CRTAC1: variants seen among roughly 807,000 people sequenced by gnomAD.
CRTAC1 encodes the protein cartilage acidic protein 1.
Under a neutral mutation model 67.8 loss-of-function variants are expected in CRTAC1, and 37 were observed. That is an observed-to-expected ratio of 0.55 (90% confidence interval 0.42 to 0.72). The LOEUF (loss-of-function observed/expected upper bound fraction) is 0.72, where lower values mean the gene tolerates loss of function less well. CRTAC1 is among the 30% of genes least tolerant of loss of function. The pLI is 0.00. For missense variants in CRTAC1, 780 were observed against 931.6 expected, an observed-to-expected ratio of 0.84 and a Z score of 2.12; for synonymous variants, 348 against 371.0, an observed-to-expected ratio of 0.94 and a Z score of 0.71.
chr10:97,895,107 G>T lies in CRTAC1; in HGVS notation c.1486+138C>A, dbSNP rs951880856. The T allele has an allele frequency of 7.3e-6, 6 of 817,962 alleles. No individual in the cohort carries two copies. The highest frequency in any genetic ancestry group is 9.4e-6 in the Non-Finnish European group (5 of 532,706). 50.7% of individuals were successfully genotyped at this position (817,962 alleles called of 1,614,324 possible). ...GAGCTCAGGCTCATCTCAGAGTAGG[G>T]TTTGTCCCCAGTAGCTGGTGTCCAC... is the stretch of plus-strand genomic sequence containing the variant. On this transcript the variant is annotated intron_variant, in intron 11 of 14. Coordinates refer to ENST00000370597, the MANE Select transcript of CRTAC1 (RefSeq NM_018058.7). This position sits in a 1 kb window ranked among gnomAD's most constrained non-coding sequence, Gnocchi z 4.2.
At chr10:97,948,287 C>T (rs1228631926) in intron 2 of CRTAC1, among the ~76,000 whole-genome samples, 3 of 152,144 alleles carry the variant, frequency 2.0e-5, no homozygotes, top group Non-Finnish European at 4.4e-5. Context: ...AGGCCAAGGA[C>T]TGGAAAAAGC....
intron 2 of CRTAC1, among the ~76,000 whole-genome samples, chr10:97,999,209 T>C (rs1448757380): frequency 6.6e-6 from 1 of 152,076 alleles, no homozygotes; most frequent in African/African-American, 2.4e-5. Context: ...GGAGAAGGCA[T>C]GAGCCCCACC....
At chr10:98,005,259 C>G (rs1374631499) in intron 2 of CRTAC1, among the ~76,000 whole-genome samples, 1 of 150,622 alleles carries the variant, frequency 6.6e-6, no homozygotes, top group Non-Finnish European at 1.5e-5. Flanking sequence ...CACGTGCCAC[C>G]ACGCCTGGCT....
At chr10:97,907,907 C>A in intron 6 of CRTAC1, 106 bp downstream of exon 6, 1 of 1,265,642 alleles carries the variant, frequency 7.9e-7, no homozygotes, top group Non-Finnish European at 1.1e-6. Flanking sequence ...GCCCTGCTCT[C>A]CCTCAGCCAG....
In CRTAC1 at chr10:97,956,116, TTC is replaced by T. The variant is rs1305832421; in HGVS notation, c.225-19752_225-19751del. ...TTCCAGATTGGATGAAACATGTGAC[TTC>T]CAGGAGGCAAGTTGACTGACACCAA... On this transcript the variant is annotated intron_variant, in intron 2 of 14. Transcript: ENST00000370597. 2.6e-5 allele frequency among the ~76,000 whole-genome samples: 4 copies of T among 152,324 alleles called. No individual in the cohort carries two copies. The East Asian group carries it at 7.7e-4, about 29-fold the overall frequency.
At chr10:97,891,501 T>C (rs1341722352) in intron 11 of CRTAC1, among the ~76,000 whole-genome samples, 1 of 152,266 alleles carries the variant, frequency 6.6e-6, no homozygotes, top group Admixed American at 6.5e-5. Context: ...CTGAGTCCTC[T>C]CATGGCCACG....
intron 2 of CRTAC1, among the ~76,000 whole-genome samples, chr10:97,947,889 A>G (rs2051289937): frequency 6.6e-6 from 1 of 152,152 alleles, no homozygotes; most frequent in East Asian, 1.9e-4. Context: ...CTCATCTCTA[A>G]AAATAAATAA....
At chr10:97,998,062 C>G (rs1157516341) in intron 2 of CRTAC1, among the ~76,000 whole-genome samples, 3 of 152,044 alleles carry the variant, frequency 2.0e-5, no homozygotes, top group African/African-American at 7.2e-5. Context: ...CCTTGATTTC[C>G]CAGGTTCAAG....
chr10:97,891,505 G>T (rs529929395), intron 11 of CRTAC1, among the ~76,000 whole-genome samples: 1 of 152,376 alleles, frequency 6.6e-6, no homozygotes, highest in East Asian at 1.9e-4. Context: ...GTCCTCTCAT[G>T]GCCACGGGGC....
intron 2 of CRTAC1, among the ~76,000 whole-genome samples, chr10:97,963,286 G>A (rs2051557774): frequency 6.6e-6 from 1 of 152,056 alleles, no homozygotes; most frequent in Non-Finnish European, 1.5e-5. Flanking sequence ...TCAAAGTGTG[G>A]TCTCTGACCA....
chr10:98,029,566 G>GC lies in CRTAC1; in HGVS notation c.24+882dup, dbSNP rs1265899243. The stretch of plus-strand genomic sequence containing the variant: ...TATTCATTAGTCATTCCTGGAGGAA[G>GC]CCCCCCCAGCTCTCAACCCTAGGAG... On this transcript the variant is annotated intron_variant, in intron 1 of 14. Coordinates refer to ENST00000370597, the MANE Select transcript of CRTAC1 (RefSeq NM_018058.7). The surrounding 1 kb of genome is among the most constrained non-coding windows in gnomAD (Gnocchi z 4.7). Among the ~76,000 whole-genome samples, 2 of 149,560 alleles carry GC rather than the reference G, an allele frequency of 1.3e-5. No individual in the cohort carries two copies. The highest frequency in any genetic ancestry group is 2.0e-4 in the East Asian group (1 of 5,090).
At chr10:98,028,112 G>C (rs1010669721) in intron 1 of CRTAC1, among the ~76,000 whole-genome samples, 5 of 152,184 alleles carry the variant, frequency 3.3e-5, no homozygotes, top group African/African-American at 4.8e-5. Context: ...AAGCACAAAG[G>C]AATGATCCCC....
intron 1 of CRTAC1, among the ~76,000 whole-genome samples, chr10:98,015,357 T>C (rs1435177962): frequency 6.6e-6 from 1 of 151,986 alleles, no homozygotes; most frequent in East Asian, 1.9e-4. Flanking sequence ...TAGGGGGAAA[T>C]GGGAGTTAGT....
In CRTAC1 at chr10:98,029,032, C is replaced by T. The variant is rs1313548408; in HGVS notation, c.24+1417G>A. The stretch of plus-strand genomic sequence containing the variant: ...AGACCCTCAACTCCCTTCATTACCT[C>T]TTAAATTGACTTTAGGACCTACTGC... On this transcript the variant is annotated intron_variant, in intron 1 of 14. Coordinates refer to ENST00000370597, the MANE Select transcript of CRTAC1 (RefSeq NM_018058.7). This position sits in a 1 kb window ranked among gnomAD's most constrained non-coding sequence, Gnocchi z 4.7. Among the ~76,000 whole-genome samples the T allele has an allele frequency of 6.6e-6, 1 of 152,206 alleles. No homozygotes were observed. Among genetic ancestry groups the T allele is most frequent in the East Asian group, 1.9e-4 (1 of 5,194 alleles).
chr10:97,915,876 T>C lies in CRTAC1; in HGVS notation c.715+1624A>G, dbSNP rs114812911. On this transcript the variant is annotated intron_variant, in intron 5 of 14. Transcript: ENST00000370597. ...CGCCAGCTGCCCCAGCCTCCCTCTG[T>C]TCCTCCACCAAAGCTGCTGCTTCTT... is the stretch of plus-strand genomic sequence containing the variant. Among the ~76,000 whole-genome samples, 785 of 152,218 alleles carry C rather than the reference T, an allele frequency of 5.2e-3. 11 individuals are homozygous for C. The highest frequency in any genetic ancestry group is 0.018 in the African/African-American group (756 of 41,564).
chr10:98,023,191 C>G (rs1843156960), intron 1 of CRTAC1, among the ~76,000 whole-genome samples: 2 of 152,162 alleles, frequency 1.3e-5, no homozygotes, highest in Non-Finnish European at 2.9e-5. Flanking sequence ...AGAAACTCAG[C>G]CTTGCTCCAG....
chr10:98,028,397 T>C (rs1843283697), intron 1 of CRTAC1, among the ~76,000 whole-genome samples: 1 of 152,202 alleles, frequency 6.6e-6, no homozygotes, highest in African/African-American at 2.4e-5. Context: ...TGCTCCACCT[T>C]TAGGCTTCCA....
chr10:97,971,272 G>A (rs572961563), intron 2 of CRTAC1, among the ~76,000 whole-genome samples: 2 of 152,216 alleles, frequency 1.3e-5, no homozygotes, highest in Non-Finnish European at 2.9e-5. Flanking sequence ...CCCAATGGAT[G>A]AATGCATAAA....
intron 2 of CRTAC1, among the ~76,000 whole-genome samples, chr10:98,001,675 T>A (rs1474768752): frequency 1.3e-5 from 2 of 152,156 alleles, no homozygotes; most frequent in Non-Finnish European, 2.9e-5. Context: ...CCTCCATAAC[T>A]GTAGGCTGCA....
Sources: gnomAD v4.1 joint callset for allele counts (sites outside exome capture counted in the v4.1 genomes callset) on GRCh38, gnomAD v4.1.1 for gene constraint, Gnocchi (gnomAD v3.1) non-coding constraint, MANE v1.5 for transcripts, NCBI Gene and HGNC (gene_info 2026-07-23, HGNC 2026-07-21) for gene names.